ABCB5: variants seen among roughly 807,000 people sequenced by gnomAD.
ABCB5 encodes the protein ATP-binding cassette sub-family B member 5.
ABCB5 carries 155 observed loss-of-function variants against 144.2 expected under a neutral mutation model. That is an observed-to-expected ratio of 1.08 (90% CI 0.94 to 1.23). The LOEUF (loss-of-function observed/expected upper bound fraction) is 1.23. ABCB5 is among the 50% of genes most tolerant of loss of function. The pLI is 0.00. For missense variants in ABCB5, 1,830 were observed against 1,520.8 expected, an observed-to-expected ratio of 1.20 and a Z score of -3.38; for synonymous variants, 610 against 528.6, an observed-to-expected ratio of 1.15 and a Z score of -2.11.
chr7:20,669,945 C>A (rs79327868), intron 14 of ABCB5, among the ~76,000 whole-genome samples: 1 of 152,106 alleles, frequency 6.6e-6, no homozygotes, highest in African/African-American at 2.4e-5. Flanking sequence ...GAATAGAATT[C>A]AAACTTGAAG....
intron 5 of ABCB5, among the ~76,000 whole-genome samples, chr7:20,636,628 T>A (rs1259303572): frequency 6.6e-6 from 1 of 151,600 alleles, no homozygotes; most frequent in Non-Finnish European, 1.5e-5. Flanking sequence ...CTATTAAGAA[T>A]ACAAAAATTA....
chr7:20,658,743 G>C (rs1784897635), intron 14 of ABCB5, 67 bp downstream of exon 14: 1 of 1,545,018 alleles, frequency 6.5e-7, no homozygotes, highest in African/African-American at 1.4e-5. Flanking sequence ...GTACAAGAAA[G>C]TATAGATCTG....
At position 20,712,912 on chromosome 7, in the gene ABCB5, C is replaced by G. The variant is rs1000789377; in HGVS notation, c.2421+8105C>G. On this transcript the variant is annotated intron_variant, in intron 20 of 27. Coordinates refer to ENST00000404938, the MANE Select transcript of ABCB5 (RefSeq NM_001163941.2). ...ACTTATTTTTTGTGTGGTGAGAACA[C>G]TTCAAATCTATTTTCTTGGTAATTT... Among the ~76,000 whole-genome samples the G allele has an allele frequency of 2.1e-4, 31 of 149,466 alleles. 1 individual carries two copies. Among genetic ancestry groups the G allele is most frequent in the African/African-American group, 7.4e-4 (30 of 40,402 alleles).
At chr7:20,748,075 A>C (rs1382245505) in intron 26 of ABCB5, among the ~76,000 whole-genome samples, 1 of 152,204 alleles carries the variant, frequency 6.6e-6, no homozygotes, top group African/African-American at 2.4e-5. Context: ...AACTTTCTTA[A>C]AGTTGTATAG....
intron 13 of ABCB5, among the ~76,000 whole-genome samples, 190 bp from the exon 14 acceptor site, chr7:20,658,313 CTCT>C (rs1221318303): frequency 1.4e-5 from 2 of 146,112 alleles, no homozygotes; most frequent in Non-Finnish European, 3.0e-5. Context: ...CTTATGTCCT[CTCT>C]TCTTTGGGCT....
intron 1 of ABCB5, among the ~76,000 whole-genome samples, chr7:20,621,654 T>A (rs1254564330): frequency 6.6e-6 from 1 of 152,114 alleles, no homozygotes; most frequent in Non-Finnish European, 1.5e-5. Flanking sequence ...ATAGGGTAAC[T>A]AGGATTTGCA....
At chr7:20,651,799 C>T in intron 13 of ABCB5, 176 bp downstream of exon 13, 1 of 608,646 alleles carries the variant, frequency 1.6e-6, no homozygotes, top group Non-Finnish European at 2.8e-6. Flanking sequence ...TGAGGTCCAA[C>T]ACAAATTTGT....
At chr7:20,631,661 CAT>C (rs763798448) in intron 4 of ABCB5, among the ~76,000 whole-genome samples, 28 of 152,104 alleles carry the variant, frequency 1.8e-4, no homozygotes, top group Non-Finnish European at 3.8e-4. Flanking sequence ...AACTTTCACA[CAT>C]GTTCTTGCTT....
chr7:20,728,942 T>C (rs1245373725), intron 23 of ABCB5, among the ~76,000 whole-genome samples: 2 of 152,194 alleles, frequency 1.3e-5, no homozygotes, highest in Non-Finnish European at 2.9e-5. Context: ...AAATTTTGTA[T>C]TGATATATAA....
At chr7:20,718,610 C>T (rs775904219) in intron 20 of ABCB5, among the ~76,000 whole-genome samples, 1 of 152,036 alleles carries the variant, frequency 6.6e-6, no homozygotes, top group Non-Finnish European at 1.5e-5. Flanking sequence ...AGGCAGAGCC[C>T]TGGGGGGGAG....
intron 14 of ABCB5, among the ~76,000 whole-genome samples, chr7:20,680,690 T>C (rs1785764462): frequency 1.3e-5 from 2 of 152,168 alleles, no homozygotes; most frequent in South Asian, 4.1e-4. Flanking sequence ...TGAAATGCAC[T>C]GATCTGTATG....
chr7:20,671,675 G>T (rs544748568), intron 14 of ABCB5, among the ~76,000 whole-genome samples: 94 of 152,226 alleles, frequency 6.2e-4, no homozygotes, highest in African/African-American at 2.1e-3. Flanking sequence ...TTGATAAATG[G>T]TATTCTACTT....
At chr7:20,688,204 CA>C (rs1786066359) in intron 16 of ABCB5, among the ~76,000 whole-genome samples, 1 of 151,098 alleles carries the variant, frequency 6.6e-6, no homozygotes, top group African/African-American at 2.4e-5. Context: ...AAAAACAAAC[CA>C]AAAAACAAAA....
At chr7:20,679,905 T>C (rs770507020) in intron 14 of ABCB5, among the ~76,000 whole-genome samples, 1 of 151,994 alleles carries the variant, frequency 6.6e-6, no homozygotes, top group Non-Finnish European at 1.5e-5. Flanking sequence ...CAGCAATTCC[T>C]CTCCTAGGTG....
intron 14 of ABCB5, among the ~76,000 whole-genome samples, chr7:20,678,414 C>T (rs1368044190): frequency 1.3e-5 from 2 of 152,164 alleles, no homozygotes; most frequent in African/African-American, 4.8e-5. Flanking sequence ...CCAGTCCTTC[C>T]AGTGACTGGC....
At chr7:20,659,308 G>T (rs1583403374) in intron 14 of ABCB5, 7 of 1,425,192 alleles carry the variant, frequency 4.9e-6, no homozygotes, top group African/African-American at 4.3e-5. Context: ...TCGATGGCCT[G>T]ACTCCCTTAT....
At chr7:20,629,496 C>G (rs190315360) in intron 4 of ABCB5, among the ~76,000 whole-genome samples, 1 of 152,232 alleles carries the variant, frequency 6.6e-6, no homozygotes, top group East Asian at 1.9e-4. Flanking sequence ...GGTGCAGTGG[C>G]TCATGCCTGT....
chr7:20,649,553 T>C (rs112377564), intron 11 of ABCB5, among the ~76,000 whole-genome samples: 1,566 of 152,282 alleles, frequency 0.01, 17 homozygotes, highest in Non-Finnish European at 0.014. Context: ...TTTCTAATGA[T>C]AAACTCTCAT....
chr7:20,689,496 G>C (rs11974407), intron 16 of ABCB5, among the ~76,000 whole-genome samples: 55,858 of 152,086 alleles, frequency 0.37, 10,716 homozygotes, highest in South Asian at 0.59. Flanking sequence ...GTCTAGGGCA[G>C]TTCTGCATGT....
Sources: gnomAD v4.1 joint callset for allele counts (sites outside exome capture counted in the v4.1 genomes callset) on GRCh38, gnomAD v4.1.1 for gene constraint, MANE v1.5 for transcripts, NCBI Gene and HGNC (gene_info 2026-07-23, HGNC 2026-07-21) for gene names.